Variants in IMMP2L observed in about 807,000 individuals in gnomAD.
The protein encoded by IMMP2L is inner mitochondrial membrane peptidase subunit 2, also known as mitochondrial inner membrane protease subunit 2.
A neutral mutation model predicts 19.3 loss-of-function variants in IMMP2L; 18 were observed. The observed-to-expected ratio is 0.93, with a 90% CI of 0.64 to 1.38. The LOEUF is 1.38. Among genes scored for constraint, IMMP2L ranks in the 40% most tolerant of loss-of-function variants. The probability of loss-of-function intolerance (pLI) is 0.00; values close to 1 mark genes in which losing one functional copy is unlikely to be tolerated. For missense variants in IMMP2L, 233 were observed against 218.2 expected (o/e 1.07, Z -0.43); for synonymous variants, 76 against 73.0 (o/e 1.04, Z -0.21).
intron 3 of IMMP2L, among the ~76,000 whole-genome samples, chr7:111,169,584 T>G (rs1342764847): frequency 6.6e-6 from 1 of 151,886 alleles, no homozygotes; most frequent in Non-Finnish European, 1.5e-5. Context: ...GTTCCTTGGC[T>G]TGCAGTATCG....
intron 4 of IMMP2L, among the ~76,000 whole-genome samples, chr7:110,942,716 C>G (rs1370675235): frequency 6.6e-6 from 1 of 151,284 alleles, no homozygotes; most frequent in East Asian, 1.9e-4. Context: ...GATTTTTGTT[C>G]TTCAAAAATA....
intron 5 of IMMP2L, among the ~76,000 whole-genome samples, chr7:110,826,448 C>T (rs1182466253): frequency 1.3e-5 from 2 of 152,070 alleles, no homozygotes; most frequent in Non-Finnish European, 2.9e-5. Flanking sequence ...AAATGTCCAT[C>T]AATGATAGAC....
At chr7:110,950,221 C>T (rs1301877913) in intron 4 of IMMP2L, among the ~76,000 whole-genome samples, 1 of 152,030 alleles carries the variant, frequency 6.6e-6, no homozygotes, top group Non-Finnish European at 1.5e-5. Context: ...AAGAGACTGA[C>T]TTTTCCCCAT....
intron 3 of IMMP2L, among the ~76,000 whole-genome samples, chr7:111,433,462 C>A (rs769175163): frequency 9.9e-5 from 15 of 151,676 alleles, no homozygotes; most frequent in Non-Finnish European, 1.6e-4. Flanking sequence ...GACATGAAAG[C>A]AGAAACCCCT....
chr7:111,398,319 T>G (rs1224860941), intron 3 of IMMP2L, among the ~76,000 whole-genome samples: 1 of 152,206 alleles, frequency 6.6e-6, no homozygotes, highest in East Asian at 1.9e-4. Context: ...AGGAGTAGTT[T>G]AACATACACA....
Position 110,960,060 on chromosome 7 carries a change from A to G in IMMP2L, c.305+3440T>C, listed in dbSNP as rs111814285. Among the ~76,000 whole-genome samples, 1,459 of 152,110 alleles carry G rather than the reference A, an allele frequency of 9.6e-3. 25 individuals carry two copies. The highest frequency in any genetic ancestry group is 0.033 in the African/African-American group (1,377 of 41,530). On this transcript the variant is annotated intron_variant, in intron 4 of 5. Coordinates refer to ENST00000405709, the MANE Select transcript of IMMP2L (RefSeq NM_032549.4). Reference sequence around the variant, plus strand: ...CCAATAATGATCCATCTGAGTTAAAAGCTGTGTTATCTTTGGATTTATAAT... The same window carrying G: ...CCAATAATGATCCATCTGAGTTAAAGGCTGTGTTATCTTTGGATTTATAAT...
chr7:111,440,071 T>C (rs1408732592), intron 3 of IMMP2L, among the ~76,000 whole-genome samples: 2 of 151,928 alleles, frequency 1.3e-5, no homozygotes, highest in Non-Finnish European at 2.9e-5. Flanking sequence ...TAATTCAAAC[T>C]GTTTTACTGT....
chr7:111,181,258 A>C, intron 3 of IMMP2L, among the ~76,000 whole-genome samples: 1 of 152,012 alleles, frequency 6.6e-6, no homozygotes. Context: ...CAATATCTTC[A>C]TGTGACTTTC....
chr7:111,127,542 C>T (rs965045972), intron 3 of IMMP2L, among the ~76,000 whole-genome samples: 6 of 152,198 alleles, frequency 3.9e-5, no homozygotes, highest in South Asian at 2.1e-4. Context: ...TACTGATTTG[C>T]TTAAATTTTA....
chr7:111,430,959 T>C (rs974051499), intron 3 of IMMP2L, among the ~76,000 whole-genome samples: 4 of 151,536 alleles, frequency 2.6e-5, no homozygotes, highest in Admixed American at 6.6e-5. Flanking sequence ...ATACAAAAAT[T>C]AGTCAGACGT....
chr7:110,686,172 T>C (rs1793096037), intron 5 of IMMP2L, among the ~76,000 whole-genome samples: 1 of 152,036 alleles, frequency 6.6e-6, no homozygotes, highest in African/African-American at 2.4e-5. Context: ...CTGCAATCTT[T>C]AACCCTGCTG....
intron 2 of IMMP2L, among the ~76,000 whole-genome samples, chr7:111,517,403 A>G (rs527383401): frequency 1.9e-4 from 29 of 152,168 alleles, no homozygotes; most frequent in African/African-American, 7.0e-4. Flanking sequence ...CATGCAAATG[A>G]AAAAAGGAAA....
At chr7:110,853,872 T>A (rs1450377338) in intron 5 of IMMP2L, among the ~76,000 whole-genome samples, 1 of 151,978 alleles carries the variant, frequency 6.6e-6, no homozygotes, top group African/African-American at 2.4e-5. Context: ...AACCTATAGT[T>A]CATTGGACTA....
chr7:110,833,938 G>A (rs993610355), intron 5 of IMMP2L, among the ~76,000 whole-genome samples: 1 of 152,140 alleles, frequency 6.6e-6, no homozygotes, highest in African/African-American at 2.4e-5. Flanking sequence ...CCTCTGAGAT[G>A]AATATGAAAG....
chr7:111,140,130 A>G (rs1447814316), intron 3 of IMMP2L, among the ~76,000 whole-genome samples: 1 of 152,196 alleles, frequency 6.6e-6, no homozygotes, highest in African/African-American at 2.4e-5. Context: ...GCAAGGGAAG[A>G]AAAAAGAGAC....
intron 5 of IMMP2L, among the ~76,000 whole-genome samples, chr7:110,677,917 C>G (rs1792433354): frequency 6.6e-6 from 1 of 151,976 alleles, no homozygotes; most frequent in Non-Finnish European, 1.5e-5. Context: ...GAGATTGCCC[C>G]CTCTGGTATC....
chr7:111,508,068 A>C (rs1300842733), intron 2 of IMMP2L, among the ~76,000 whole-genome samples: 1 of 152,180 alleles, frequency 6.6e-6, no homozygotes, highest in East Asian at 1.9e-4. Context: ...AAAAATCTAC[A>C]CATATCTCAT....
intron 3 of IMMP2L, among the ~76,000 whole-genome samples, chr7:111,172,820 T>C (rs1309949155): frequency 6.6e-6 from 1 of 151,626 alleles, no homozygotes; most frequent in Non-Finnish European, 1.5e-5. Context: ...ATATGTCATA[T>C]TATAAAAGCA....
chr7:110,781,961 T>C (rs974255635), intron 5 of IMMP2L, among the ~76,000 whole-genome samples: 3 of 151,922 alleles, frequency 2.0e-5, no homozygotes, highest in Admixed American at 2.0e-4. Context: ...TTTCTTCAAT[T>C]AATTTAAAGC....
Sources: gnomAD v4.1 joint callset for allele counts (sites outside exome capture counted in the v4.1 genomes callset) on GRCh38, gnomAD v4.1.1 for gene constraint, MANE v1.5 for transcripts, NCBI Gene and HGNC (gene_info 2026-07-23, HGNC 2026-07-21) for gene names.